Variants in ZNF215 observed in about 807,000 individuals in gnomAD.
ZNF215 encodes the protein BWSCR2-associated zinc finger protein 2.
ZNF215 carries 24 observed loss-of-function variants against 27.2 expected under a neutral mutation model. The observed-to-expected ratio is 0.88, with a 90% CI of 0.64 to 1.24. The LOEUF is 1.24. ZNF215 is among the 50% of genes most tolerant of loss of function. The pLI is 0.00. For missense variants in ZNF215, 675 were observed against 605.7 expected (o/e 1.11, Z -1.20); for synonymous variants, 210 against 204.0 (o/e 1.03, Z -0.25).
chr11:6,958,526 ATCT>A (rs748366822), downstream of ZNF215, among the ~76,000 whole-genome samples: 1 of 151,046 alleles, frequency 6.6e-6, no homozygotes, highest in Non-Finnish European at 1.5e-5. Context: ...GCCAATTAAC[ATCT>A]TCTCGCAGCC....
Position 6,956,221 on chromosome 11 carries a change from T to C in ZNF215, c.1244T>C (p.Phe415Ser), listed in dbSNP as rs368675034. 1.2e-6 allele frequency: 2 copies of C among 1,613,038 alleles called. No homozygotes were observed. Among genetic ancestry groups the C allele is most frequent in the Non-Finnish European group, 1.7e-6 (2 of 1,179,652 alleles). Reference sequence around the variant, plus strand: ...TATAAATGCAGTGAATGTGGGAGATTCTTCAACCGACGTACAAACCTTACT... The same window carrying C: ...TATAAATGCAGTGAATGTGGGAGATCCTTCAACCGACGTACAAACCTTACT... ...KPYKCSECGR[F>S]FNRRTNLTKH... Residue 415 changes from phenylalanine to serine, a missense_variant, in exon 7 of 7, where the codon TTC (phenylalanine) becomes TCC (serine). By Grantham distance (155) the Phe-to-Ser change is radical. Transcript: ENST00000278319.
At position 6,956,342 on chromosome 11, in the gene ZNF215, C is replaced by A. The variant is rs760689194; in HGVS notation, c.1365C>A (p.Leu455=). 3.7e-6 allele frequency: 6 copies of A among 1,614,118 alleles called. No individual in the cohort carries two copies. The Admixed American group carries it at 8.3e-5, about 22-fold the overall frequency. ...SKSEDSNNPT[L]HFGNNFYQCV... The stretch of plus-strand genomic sequence containing the variant: ...GTGAAGACAGTAATAATCCAACACT[C>A]CATTTTGGAAACAATTTCTATCAAT... Residue 455 remains leucine, a synonymous_variant, in exon 7 of 7, where the codon CTC becomes CTA. Transcript: ENST00000278319.
intron 5 of ZNF215, among the ~76,000 whole-genome samples, chr11:6,979,931 T>C (rs1312292514): frequency 6.6e-6 from 1 of 152,154 alleles, no homozygotes; most frequent in East Asian, 1.9e-4. Flanking sequence ...TATTTTATTT[T>C]GTTTTTCAAC....
At chr11:6,982,831 C>T (rs1311186201) in intron 5 of ZNF215, among the ~76,000 whole-genome samples, 1 of 151,970 alleles carries the variant, frequency 6.6e-6, no homozygotes, top group Non-Finnish European at 1.5e-5. Flanking sequence ...GACACCCTAA[C>T]ATCACAATTA....
chr11:6,937,783 C>A (rs2595400), intron 3 of ZNF215, among the ~76,000 whole-genome samples: 149,341 of 151,964 alleles, frequency 0.98, 73,443 homozygotes, highest in Middle Eastern at 1. Context: ...TGCTGGGACC[C>A]CTTGATTTCC....
chr11:6,943,070 C>A lies in ZNF215; in HGVS notation c.484-13C>A, dbSNP rs746332312. 1.2e-6 allele frequency: 2 copies of A among 1,607,286 alleles called. No individual in the cohort carries two copies. Among genetic ancestry groups the A allele is most frequent in the Non-Finnish European group, 1.7e-6 (2 of 1,177,812 alleles). On this transcript the variant is annotated splice_polypyrimidine_tract_variant and intron_variant, in intron 4 of 6. Coordinates refer to ENST00000278319, the MANE Select transcript of ZNF215 (RefSeq NM_013250.4). ...AGTGACACCTTTGATTAAAAAGGAA[C>A]TTAATGTTTTAGGAACCAGTGACAT... is the stretch of plus-strand genomic sequence containing the variant.
At chr11:6,992,254 G>C (rs1851124321), downstream of ZNF215, among the ~76,000 whole-genome samples, 1 of 152,196 alleles carries the variant, frequency 6.6e-6, no homozygotes, top group South Asian at 2.1e-4. Flanking sequence ...GCTCAGCTCA[G>C]CCTAGCCCAG....
chr11:6,948,444 T>C (rs556930974), intron 6 of ZNF215, among the ~76,000 whole-genome samples: 1 of 150,540 alleles, frequency 6.6e-6, no homozygotes, highest in East Asian at 1.9e-4. Flanking sequence ...AGATTTGATA[T>C]GGGAGACGAA....
exon 6 of ZNF215, chr11:6,984,254 C>G (rs1206869420): frequency 4.0e-6 from 1 of 247,680 alleles, no homozygotes; most frequent in Admixed American, 5.8e-5. Flanking sequence ...ATTAGAGGCA[C>G]CCACCACCAT....
At chr11:6,973,127 A>G (rs977660162) in intron 5 of ZNF215, among the ~76,000 whole-genome samples, 1 of 152,004 alleles carries the variant, frequency 6.6e-6, no homozygotes, top group African/African-American at 2.4e-5. Context: ...ATTCCCACCT[A>G]TGAGTGAGAA....
downstream of ZNF215, among the ~76,000 whole-genome samples, chr11:6,986,511 C>T (rs2515952): frequency 0.59 from 89,451 of 151,836 alleles, 26,437 homozygotes; most frequent in East Asian, 0.69. Context: ...AAACCAAAAA[C>T]TGACAAGTGG....
chr11:6,955,940 A>G lies in ZNF215; in HGVS notation c.963A>G (p.Ile321Met). 1 of 1,613,198 alleles carries G rather than the reference A, an allele frequency of 6.2e-7. No individual in the cohort carries two copies. The highest frequency in any genetic ancestry group is 8.5e-7 in the Non-Finnish European group (1 of 1,179,782). Residue 321 changes from isoleucine (I) to methionine (M), a missense_variant, in exon 7 of 7, where the codon ATA becomes ATG. By Grantham distance (10) the Ile-to-Met change is conservative. Transcript: ENST00000278319. ...DINSVSSICA[I>M]QVGIPSRKGS... ...ATTCAGTTAGCTCAATTTGTGCTATACAAGTGGGAATTCCTTCAAGAAAGG... is the reference window on the plus strand; with the variant it reads ...ATTCAGTTAGCTCAATTTGTGCTATGCAAGTGGGAATTCCTTCAAGAAAGG...
At chr11:6,978,879 G>A (rs1850886991) in intron 5 of ZNF215, among the ~76,000 whole-genome samples, 1 of 151,968 alleles carries the variant, frequency 6.6e-6, no homozygotes, top group Non-Finnish European at 1.5e-5. Flanking sequence ...ACATTAATTG[G>A]AATTAGTTGA....
chr11:6,984,911 C>G (rs968315810), downstream of ZNF215, among the ~76,000 whole-genome samples: 4 of 151,944 alleles, frequency 2.6e-5, no homozygotes, highest in East Asian at 1.9e-4. Context: ...TAATAAAAAC[C>G]CTACCAACCA....
At chr11:6,980,231 T>C (rs559492983) in intron 5 of ZNF215, among the ~76,000 whole-genome samples, 2 of 152,112 alleles carry the variant, frequency 1.3e-5, no homozygotes, top group South Asian at 4.1e-4. Flanking sequence ...CAATAAAAAT[T>C]AAAAATACAG....
chr11:6,940,227 CT>C (rs1849588602), intron 3 of ZNF215, among the ~76,000 whole-genome samples: 1 of 142,848 alleles, frequency 7.0e-6, no homozygotes. Context: ...GCAAGACCCT[CT>C]TTAAAAAAAA....
At position 6,941,556 on chromosome 11, in the gene ZNF215, C is replaced by T. The variant is rs1488716461; in HGVS notation, c.401-15C>T. The T allele has an allele frequency of 6.2e-7, 1 of 1,611,148 alleles. No homozygotes were observed. The highest frequency in any genetic ancestry group is 8.5e-7 in the Non-Finnish European group (1 of 1,178,986). On this transcript the variant is annotated splice_polypyrimidine_tract_variant and intron_variant, in intron 3 of 6. Transcript: ENST00000278319. ...CAAAACTTGTCTCCCTAATATTTTC[C>T]TTCATCTTCCTCAGATATGCCCTGC...
chr11:6,932,697 T>C (rs1272851612), intron 3 of ZNF215, 25 bp downstream of exon 3: 27 of 1,571,168 alleles, frequency 1.7e-5, no homozygotes, highest in South Asian at 9.5e-5. Context: ...AAATTAGAGG[T>C]AAAATACTTG....
In ZNF215 at chr11:6,941,931, A is replaced by G. The variant is rs1849644280; in HGVS notation, c.483+278A>G. Among the ~76,000 whole-genome samples the G allele has an allele frequency of 2.0e-5, 3 of 152,348 alleles. No homozygotes were observed. In the South Asian group the frequency reaches 6.2e-4, roughly 32 times the overall value. On this transcript the variant is annotated intron_variant, in intron 4 of 6. Coordinates refer to ENST00000278319, the MANE Select transcript of ZNF215 (RefSeq NM_013250.4). ...AAAATGTTGAGAATTAAGCCTCAAG[A>G]GTAGAATCCAGAGCAATGTCGCTTA...
Sources: allele counts gnomAD v4.1 joint callset (sites outside exome capture counted in the v4.1 genomes callset), GRCh38; gene constraint gnomAD v4.1.1; transcripts MANE v1.5; gene names NCBI Gene and HGNC (gene_info 2026-07-23, HGNC 2026-07-21).